Variants in ZFHX3 observed in about 807,000 individuals in gnomAD.
The protein encoded by ZFHX3 is zinc finger homeobox protein 3.
Under a neutral mutation model 279.1 loss-of-function variants are expected in ZFHX3, and 42 were observed. That is an observed-to-expected ratio of 0.15 (90% confidence interval 0.12 to 0.19). ZFHX3 has a LOEUF of 0.19. Ranked by LOEUF, ZFHX3 falls within the 10% of genes least tolerant of loss-of-function variation. The probability of loss-of-function intolerance (pLI) is 1.00; values close to 1 mark genes in which losing one functional copy is unlikely to be tolerated. For missense variants in ZFHX3, 4,981 were observed against 4,754.0 expected (o/e 1.05, Z -1.40); for synonymous variants, 2,293 against 1,957.8 (o/e 1.17, Z -4.52).
intron 4 of ZFHX3, among the ~76,000 whole-genome samples, chr16:72,879,026 G>A (rs1202583706): frequency 1.3e-5 from 2 of 152,176 alleles, no homozygotes; most frequent in Non-Finnish European, 2.9e-5. Context: ...TGCCCTCGAG[G>A]CTCACATCAC....
intron 2 of ZFHX3, among the ~76,000 whole-genome samples, chr16:73,481,842 C>T (rs368125364): frequency 3.9e-5 from 6 of 152,096 alleles, no homozygotes; most frequent in Admixed American, 6.5e-5. Flanking sequence ...GTTTAAAATA[C>T]GGCATACTCT....
chr16:73,639,223 ATTTGC>A (rs2052553142), intron 2 of ZFHX3, among the ~76,000 whole-genome samples: 2 of 152,120 alleles, frequency 1.3e-5, no homozygotes, highest in African/African-American at 4.8e-5. Context: ...CCACAGCAGC[ATTTGC>A]TGCTGTGGTC....
chr16:73,716,641 AC>A (rs71156186), intron 1 of ZFHX3, among the ~76,000 whole-genome samples: 72,437 of 138,942 alleles, frequency 0.52, 18,038 homozygotes, highest in East Asian at 0.63. Context: ...ACACACACAC[AC>A]ACACACACGC....
intron 2 of ZFHX3, among the ~76,000 whole-genome samples, chr16:73,502,472 C>G (rs755722201): frequency 1.3e-5 from 2 of 152,286 alleles, no homozygotes; most frequent in African/African-American, 4.8e-5. Context: ...GGTACTGGGA[C>G]AGTGGCCCAT....
At chr16:73,773,632 G>A (rs1188885912) in intron 1 of ZFHX3, among the ~76,000 whole-genome samples, 1 of 152,218 alleles carries the variant, frequency 6.6e-6, no homozygotes, top group African/African-American at 2.4e-5. Flanking sequence ...GGGAAGGCCT[G>A]TCTCAGGTAG....
intron 1 of ZFHX3, among the ~76,000 whole-genome samples, chr16:73,743,460 G>C (rs1351402124): frequency 6.6e-6 from 1 of 152,160 alleles, no homozygotes; most frequent in Non-Finnish European, 1.5e-5. Flanking sequence ...TCATGTAATA[G>C]CTATTTCCAA....
At position 73,603,902 on chromosome 16, in the gene ZFHX3, C is replaced by T. The variant is rs138261044; in HGVS notation, c.-1547+76278G>A. On this transcript the variant is annotated intron_variant, in intron 2 of 17. Coordinates refer to the ZFHX3 transcript ENST00000641206. ...CAAGTGATTCTCCTGCCTCAGCCTC[C>T]CAAGTAGGTAGGATTACAGGCATGT... 6.4e-3 allele frequency among the ~76,000 whole-genome samples: 972 copies of T among 151,402 alleles called. 15 individuals carry two copies. Among genetic ancestry groups the T allele is most frequent in the African/African-American group, 0.023 (936 of 41,192 alleles).
At chr16:72,982,462 G>T (rs1597051848) in intron 1 of ZFHX3, among the ~76,000 whole-genome samples, 2 of 152,120 alleles carry the variant, frequency 1.3e-5, no homozygotes, top group Admixed American at 1.3e-4. Flanking sequence ...AATAAAGACA[G>T]AAACCTACCT....
chr16:73,545,117 G>A (rs2020086911), intron 2 of ZFHX3, among the ~76,000 whole-genome samples: 1 of 151,986 alleles, frequency 6.6e-6, no homozygotes, highest in African/African-American at 2.4e-5. Context: ...CCACAGTGAG[G>A]CCCCTCGGAA....
Position 72,959,219 on chromosome 16 carries a change from C to T in ZFHX3, c.927G>A (p.Leu309=). Residue 309 remains leucine, a synonymous_variant, in exon 2 of 10, where the codon CTG becomes CTA. Transcript: ENST00000268489. ...THAVHDHRMT[L]SEDERKILSN... The stretch of plus-strand genomic sequence containing the variant: ...TAAGAATTTTCCGCTCGTCTTCGCT[C>T]AGGGTCATTCGATGGTCATGCACCG... 6.2e-7 allele frequency: 1 copy of T among 1,614,194 alleles called. No individual in the cohort carries two copies.
chr16:73,586,465 C>A (rs1400965368), intron 2 of ZFHX3, among the ~76,000 whole-genome samples: 7 of 144,578 alleles, frequency 4.8e-5, no homozygotes, highest in East Asian at 2.0e-4. Context: ...AAAAAAAAAA[C>A]CATAAATGAA....
chr16:72,895,435 C>G (rs566968024), intron 3 of ZFHX3, among the ~76,000 whole-genome samples: 59 of 152,310 alleles, frequency 3.9e-4, no homozygotes, highest in African/African-American at 1.2e-3. Flanking sequence ...CAGGTCTACC[C>G]AAACTCACTT....
At chr16:73,194,897 TGAA>T (rs1968111534) in intron 5 of ZFHX3, among the ~76,000 whole-genome samples, 1 of 152,356 alleles carries the variant, frequency 6.6e-6, no homozygotes, top group Admixed American at 6.5e-5. Context: ...TTAAGTTTTA[TGAA>T]GAACTCTCTT....
intron 1 of ZFHX3, among the ~76,000 whole-genome samples, chr16:73,056,497 C>T (rs1005994427): frequency 6.6e-6 from 1 of 151,988 alleles, no homozygotes; most frequent in African/African-American, 2.4e-5. Flanking sequence ...CCTCAACCCA[C>T]AGGATGTCTA....
In ZFHX3 at chr16:72,787,294, G is replaced by A. The variant is rs200911275; in HGVS notation, c.10982C>T (p.Ser3661Leu). 1.1e-5 allele frequency: 17 copies of A among 1,613,912 alleles called. No homozygotes were observed. The highest frequency in any genetic ancestry group is 6.7e-5 in the Admixed American group (4 of 59,998). ...VQPSMPTDDY[S>L]EESDTDLSQK... ...GCTGAGATCCGTGTCAGACTCCTCC[G>A]AATAGTCGTCTGTTGGCATCGAGGG... is the stretch of plus-strand genomic sequence containing the variant. Residue 3661 changes from serine to leucine, a missense_variant, in exon 10 of 10, where the codon TCG becomes TTG. Coordinates refer to ENST00000268489, the MANE Select transcript of ZFHX3 (RefSeq NM_006885.4).
intron 1 of ZFHX3, among the ~76,000 whole-genome samples, chr16:73,787,853 GAA>G (rs1297335805): frequency 1.3e-4 from 18 of 137,198 alleles, no homozygotes; most frequent in African/African-American, 1.9e-4. Context: ...GTGTGTGTGT[GAA>G]AGAGAGAGAG....
intron 1 of ZFHX3, among the ~76,000 whole-genome samples, chr16:73,022,264 A>G (rs531444385): frequency 6.6e-6 from 1 of 152,278 alleles, no homozygotes; most frequent in East Asian, 1.9e-4. Flanking sequence ...AGCCCAGGGA[A>G]GCCCCAAGGC....
In ZFHX3 at chr16:73,860,647, G is replaced by A. The variant is rs567166128; in HGVS notation, c.-1608+31004C>T. 4.6e-5 allele frequency among the ~76,000 whole-genome samples: 7 copies of A among 152,324 alleles called. No individual in the cohort carries two copies. The South Asian group carries it at 1.2e-3, about 27-fold the overall frequency. ...CTTATATCTTGGTAGAAAGGAAAAC[G>A]TGAAACAAAGCAGACACTTCACCTT... On this transcript the variant is annotated intron_variant, in intron 1 of 17. Transcript: ENST00000641206.
intron 5 of ZFHX3, among the ~76,000 whole-genome samples, chr16:73,207,185 T>A (rs1413489503): frequency 1.3e-5 from 2 of 152,184 alleles, no homozygotes; most frequent in Non-Finnish European, 2.9e-5. Context: ...ATAAAGGCTG[T>A]CAAGAACATT....
Sources: allele counts gnomAD v4.1 joint callset (sites outside exome capture counted in the v4.1 genomes callset), GRCh38; gene constraint gnomAD v4.1.1; transcripts MANE v1.5; gene names NCBI Gene and HGNC (gene_info 2026-07-23, HGNC 2026-07-21).